Variants in CAMTA1 observed in about 807,000 individuals in gnomAD.
CAMTA1 encodes the protein calmodulin-binding transcription activator 1.
A neutral mutation model predicts 170.9 loss-of-function variants in CAMTA1; 27 were observed. The observed-to-expected ratio is 0.16, with a 90% CI of 0.12 to 0.22. CAMTA1 has a LOEUF of 0.22. CAMTA1 is among the 10% of genes least tolerant of loss of function. The probability of loss-of-function intolerance (pLI) is 1.00; values close to 1 mark genes in which losing one functional copy is unlikely to be tolerated. For missense variants in CAMTA1, 1,619 were observed against 2,217.2 expected, an observed-to-expected ratio of 0.73 and a Z score of 5.42; for synonymous variants, 833 against 891.5, an observed-to-expected ratio of 0.93 and a Z score of 1.17.
In CAMTA1 at chr1:6,792,898, A is replaced by C. The variant is rs148739639; in HGVS notation, c.45+7323A>C. 4.5e-3 allele frequency among the ~76,000 whole-genome samples: 682 copies of C among 152,260 alleles called. 8 individuals carry two copies. The highest frequency in any genetic ancestry group is 0.016 in the African/African-American group (666 of 41,546). On this transcript the variant is annotated intron_variant, in intron 1 of 22. Transcript: ENST00000303635. Reference sequence around the variant, plus strand: ...ACGGTTTTGTAGTTTTCATGTGTACAAAGTGACATTTCTTGAAAGAAACGT... The same window carrying C: ...ACGGTTTTGTAGTTTTCATGTGTACCAAGTGACATTTCTTGAAAGAAACGT...
chr1:6,943,254 A>G (rs920751059), intron 3 of CAMTA1, among the ~76,000 whole-genome samples: 3 of 151,028 alleles, frequency 2.0e-5, no homozygotes, highest in African/African-American at 4.9e-5. Context: ...CCAGGACACC[A>G]TGGTTCCTGG....
rs986529523 is a variant in CAMTA1, at chr1:7,067,648, A to G, written c.235-23656A>G. On this transcript the variant is annotated intron_variant, in intron 3 of 22. Transcript: ENST00000303635. The surrounding 1 kb of genome is among the most constrained non-coding windows in gnomAD (Gnocchi z 4.3). Reference sequence around the variant, plus strand: ...CTATTTGTCTATTTTAACCCAGAACATCTTCTGAGAGGATCAGTTTTACCA... The same window carrying G: ...CTATTTGTCTATTTTAACCCAGAACGTCTTCTGAGAGGATCAGTTTTACCA... Among the ~76,000 whole-genome samples the G allele has an allele frequency of 1.3e-5, 2 of 152,210 alleles. No individual in the cohort carries two copies. Among genetic ancestry groups the G allele is most frequent in the African/African-American group, 2.4e-5 (1 of 41,460 alleles).
chr1:7,015,149 A>G (rs1044649687), intron 3 of CAMTA1, among the ~76,000 whole-genome samples: 5 of 152,082 alleles, frequency 3.3e-5, no homozygotes, highest in Non-Finnish European at 4.4e-5. Context: ...CCAGTCCTCA[A>G]AGAGGTTCTT....
intron 6 of CAMTA1, among the ~76,000 whole-genome samples, chr1:7,485,398 T>A (rs746742648): frequency 2.0e-5 from 3 of 152,142 alleles, no homozygotes; most frequent in Non-Finnish European, 4.4e-5. Context: ...CTCAGCTCCC[T>A]GGGATCAGCT....
intron 5 of CAMTA1, among the ~76,000 whole-genome samples, chr1:7,429,451 G>A (rs1160216886): frequency 1.3e-5 from 2 of 152,018 alleles, no homozygotes; most frequent in East Asian, 1.9e-4. Flanking sequence ...GATTATGGTG[G>A]TGATGGTGAT....
At chr1:6,982,760 C>T (rs767595296) in intron 3 of CAMTA1, among the ~76,000 whole-genome samples, 41 of 151,558 alleles carry the variant, frequency 2.7e-4, no homozygotes, top group Non-Finnish European at 4.3e-4. Flanking sequence ...CAGGGATCCT[C>T]GCTCAGCCCT....
At chr1:7,428,046 G>A (rs558333814) in intron 5 of CAMTA1, among the ~76,000 whole-genome samples, 5 of 152,290 alleles carry the variant, frequency 3.3e-5, no homozygotes, top group South Asian at 2.1e-4. Flanking sequence ...TGGAGTCGGC[G>A]TCCGTGGGAA....
chr1:7,526,727 G>A (rs2094436246), intron 6 of CAMTA1, among the ~76,000 whole-genome samples: 1 of 152,196 alleles, frequency 6.6e-6, no homozygotes, highest in Non-Finnish European at 1.5e-5. Context: ...TTCTAGCAGT[G>A]AGCCTTCTGG....
chr1:7,461,228 G>T (rs2093080512), intron 5 of CAMTA1, among the ~76,000 whole-genome samples: 1 of 152,170 alleles, frequency 6.6e-6, no homozygotes, highest in African/African-American at 2.4e-5. Flanking sequence ...TAGAACAACA[G>T]GTGCCAACCT....
Position 7,064,450 on chromosome 1 carries a change from T to C in CAMTA1, c.235-26854T>C, listed in dbSNP as rs1277057325. ...TTTTGGGGAAATACAATTCAGTCCATAGCAGTCAGTAAATAGATAAAGCGA... is the reference window on the plus strand; with the variant it reads ...TTTTGGGGAAATACAATTCAGTCCACAGCAGTCAGTAAATAGATAAAGCGA... On this transcript the variant is annotated intron_variant, in intron 3 of 22. Transcript: ENST00000303635. This position sits in a 1 kb window ranked among gnomAD's most constrained non-coding sequence, Gnocchi z 5.4. Among the ~76,000 whole-genome samples the C allele has an allele frequency of 5.3e-5, 8 of 152,140 alleles. No homozygotes were observed. Among genetic ancestry groups the C allele is most frequent in the Admixed American group, 5.2e-4 (8 of 15,274 alleles).
intron 4 of CAMTA1, among the ~76,000 whole-genome samples, chr1:7,242,017 G>T (rs892304573): frequency 2.7e-4 from 41 of 151,958 alleles, no homozygotes; most frequent in Admixed American, 2.6e-3. Context: ...AGAGGGACAA[G>T]TTATGGATTG....
intron 11 of CAMTA1, among the ~76,000 whole-genome samples, chr1:7,716,636 CAGTT>C (rs61331348): frequency 0.48 from 72,371 of 151,480 alleles, 17,331 homozygotes; most frequent in East Asian, 0.65. Context: ...GTTAGCAAGA[CAGTT>C]AGCACCGTCT....
intron 6 of CAMTA1, among the ~76,000 whole-genome samples, chr1:7,550,765 C>G (rs1403414722): frequency 6.8e-6 from 1 of 147,558 alleles, no homozygotes; most frequent in African/African-American, 2.5e-5. Context: ...CCCTCCCACC[C>G]GGCCCTCTCC....
rs12028047 is a variant in CAMTA1 at position 7,101,695 on chromosome 1, G to A, written c.302+10324G>A. Among the ~76,000 whole-genome samples, 198 of 152,254 alleles carry A rather than the reference G, an allele frequency of 1.3e-3. 4 individuals carry two copies. In the East Asian group the frequency reaches 0.032, roughly 25 times the overall value. On this transcript the variant is annotated intron_variant, in intron 4 of 22. Transcript: ENST00000303635. ...AGCACACATGTAGACACATATGTGC[G>A]TGCTGTGGCACATAGAACCATACAC...
chr1:7,707,360 A>G (rs2096534737), intron 11 of CAMTA1, among the ~76,000 whole-genome samples: 1 of 152,062 alleles, frequency 6.6e-6, no homozygotes, highest in South Asian at 2.1e-4. Flanking sequence ...GGTTGATATG[A>G]AAGTTTCCCG....
intron 16 of CAMTA1, among the ~76,000 whole-genome samples, chr1:7,739,459 G>A (rs183636086): frequency 2.0e-5 from 3 of 152,266 alleles, no homozygotes; most frequent in Admixed American, 1.3e-4. Flanking sequence ...GTTGCCGGGG[G>A]CACCACTTCT....
intron 3 of CAMTA1, among the ~76,000 whole-genome samples, chr1:6,955,169 G>A (rs945719559): frequency 6.6e-6 from 1 of 151,998 alleles, no homozygotes; most frequent in East Asian, 1.9e-4. Flanking sequence ...GAGCTGGGGT[G>A]GGGGGTTGGG....
chr1:7,342,538 C>A (rs974418845), intron 5 of CAMTA1, among the ~76,000 whole-genome samples: 3 of 152,124 alleles, frequency 2.0e-5, no homozygotes, highest in African/African-American at 7.2e-5. Context: ...GAAACCACCC[C>A]CATCATCATG....
chr1:7,413,560 C>T (rs1314828883), intron 5 of CAMTA1, among the ~76,000 whole-genome samples: 1 of 152,086 alleles, frequency 6.6e-6, no homozygotes, highest in African/African-American at 2.4e-5. Flanking sequence ...CTCTGTTTGT[C>T]TGTTATTGGT....
Sources: allele counts gnomAD v4.1 joint callset (sites outside exome capture counted in the v4.1 genomes callset), GRCh38; gene constraint gnomAD v4.1.1; non-coding constraint Gnocchi (gnomAD v3.1); transcripts MANE v1.5; gene names NCBI Gene and HGNC (gene_info 2026-07-23, HGNC 2026-07-21).